Variants in AKAP9 observed in about 807,000 individuals in gnomAD.
AKAP9 encodes A-kinase anchor protein 9.
AKAP9 carries 311 observed loss-of-function variants against 488.5 expected under a neutral mutation model. That is an observed-to-expected ratio of 0.64 (90% CI 0.58 to 0.70). The LOEUF (loss-of-function observed/expected upper bound fraction) is 0.70, where lower values mean the gene tolerates loss of function less well. AKAP9 is among the 30% of genes least tolerant of loss of function. AKAP9 has a pLI of 0.00. For missense variants in AKAP9, 4,215 were observed against 4,374.5 expected (o/e 0.96, Z 1.03); for synonymous variants, 1,462 against 1,483.5 (o/e 0.99, Z 0.33).
intron 19 of AKAP9, 82 bp from the exon 20 acceptor site, chr7:92,042,586 T>G: frequency 1.0e-6 from 1 of 962,340 alleles, no homozygotes; most frequent in Non-Finnish European, 1.7e-6. Context: ...CTCATACCAA[T>G]ATAGAAGAAT....
At chr7:92,039,238 G>C (rs1321501655) in intron 17 of AKAP9, among the ~76,000 whole-genome samples, 1 of 152,096 alleles carries the variant, frequency 6.6e-6, no homozygotes, top group African/African-American at 2.4e-5. Flanking sequence ...TTAATTGTAA[G>C]ATATATGGAT....
At chr7:92,044,808 AAAAC>A (rs1395669682) in intron 20 of AKAP9, among the ~76,000 whole-genome samples, 196 bp from the exon 21 acceptor site, 1 of 152,214 alleles carries the variant, frequency 6.6e-6, no homozygotes, top group South Asian at 2.1e-4. Flanking sequence ...TTTTCAGACA[AAAAC>A]AAATCATTTT....
chr7:91,975,249 C>T (rs1324968333), intron 2 of AKAP9, among the ~76,000 whole-genome samples: 1 of 152,096 alleles, frequency 6.6e-6, no homozygotes, highest in African/African-American at 2.4e-5. Context: ...AGTGATCCTC[C>T]CGCTCTGGCT....
At chr7:91,973,112 C>T (rs763589126) in intron 1 of AKAP9, among the ~76,000 whole-genome samples, 10 of 152,160 alleles carry the variant, frequency 6.6e-5, no homozygotes, top group African/African-American at 1.9e-4. Context: ...CACTGGCTCA[C>T]GTCTGTAATC....
rs576655579 is a variant in AKAP9 at position 91,943,449 on chromosome 7, G to A, written c.48+2302G>A. On this transcript the variant is annotated intron_variant, in intron 1 of 49. Coordinates refer to ENST00000356239, the MANE Select transcript of AKAP9 (RefSeq NM_005751.5). ...TGGATTATAATTTTATTCAGCAAACGTATATTGAATCCCTATTTTATACCT... is the reference window on the plus strand; with the variant it reads ...TGGATTATAATTTTATTCAGCAAACATATATTGAATCCCTATTTTATACCT... 1.6e-4 allele frequency among the ~76,000 whole-genome samples: 25 copies of A among 152,242 alleles called. No individual in the cohort carries two copies. In the South Asian group the frequency reaches 2.7e-3, roughly 16 times the overall value.
Position 92,079,580 on chromosome 7 carries a change from T to C in AKAP9, c.7447T>C (p.Phe2483Leu). 1 of 1,613,798 alleles carries C rather than the reference T, an allele frequency of 6.2e-7. No individual in the cohort carries two copies. Among genetic ancestry groups the C allele is most frequent in the Non-Finnish European group, 8.5e-7 (1 of 1,180,000 alleles). ...ALKSLENQTY[F>L]KSFEENGKGS... Reference sequence around the variant, plus strand: ...TAAATCCCTAGAAAATCAGACATACTTCAAATCTTTTGAAGAAAATGGCAA... The same window carrying C: ...TAAATCCCTAGAAAATCAGACATACCTCAAATCTTTTGAAGAAAATGGCAA... The change falls in exon 31 of 50, where the codon TTC (phenylalanine) becomes CTC (leucine). Residue 2483 changes from phenylalanine (F) to leucine (L), a missense_variant. Coordinates refer to ENST00000356239, the MANE Select transcript of AKAP9 (RefSeq NM_005751.5).
At chr7:91,972,780 A>G (rs1795250020) in intron 1 of AKAP9, among the ~76,000 whole-genome samples, 1 of 152,196 alleles carries the variant, frequency 6.6e-6, no homozygotes, top group Non-Finnish European at 1.5e-5. Context: ...AGAAAACTAC[A>G]TTGGTTAAAA....
Position 92,002,507 on chromosome 7 carries a change from T to A in AKAP9, c.2590T>A (p.Leu864Ile). 6.2e-7 allele frequency: 1 copy of A among 1,611,058 alleles called. No individual in the cohort carries two copies. The highest frequency in any genetic ancestry group is 8.5e-7 in the Non-Finnish European group (1 of 1,178,866). Residue 864 changes from leucine to isoleucine, a missense_variant, in exon 8 of 50, where the codon TTA becomes ATA. This residue lies in a region of AKAP9 where 2,361 missense variants were observed against 2,430.0 expected (regional missense o/e 0.97). Transcript: ENST00000356239. Reference sequence around the variant, plus strand: ...AAACTTTGAAGTTAACTATCAAGAGTTACAAGAGGAGTATGCTTGCCTTCT... The same window carrying A: ...AAACTTTGAAGTTAACTATCAAGAGATACAAGAGGAGTATGCTTGCCTTCT... ...EKNFEVNYQE[L>I]QEEYACLLKV... is the part of the protein sequence containing the mutation.
chr7:92,106,785 A>C (rs1207224170), intron 47 of AKAP9, among the ~76,000 whole-genome samples: 1 of 152,192 alleles, frequency 6.6e-6, no homozygotes, highest in African/African-American at 2.4e-5. Context: ...AGCATCCTAC[A>C]GAGGGGAAAT....
At chr7:92,102,163 TA>T (rs71933089) in intron 45 of AKAP9, among the ~76,000 whole-genome samples, 5 of 107,478 alleles carry the variant, frequency 4.7e-5, no homozygotes, top group South Asian at 6.1e-4. Context: ...CTCATAAATT[TA>T]AAAAAAAAAT....
chr7:92,035,888 A>C (rs1296722611), intron 16 of AKAP9, among the ~76,000 whole-genome samples: 1 of 152,180 alleles, frequency 6.6e-6, no homozygotes, highest in Non-Finnish European at 1.5e-5. Context: ...TTATTGCCTT[A>C]TAGCATCAGT....
intron 1 of AKAP9, among the ~76,000 whole-genome samples, chr7:91,961,422 C>T (rs779089089): frequency 5.3e-5 from 8 of 151,760 alleles, no homozygotes. Flanking sequence ...AGGGGATCCA[C>T]CCGCCTCAGC....
intron 39 of AKAP9, 79 bp from the exon 40 acceptor site, chr7:92,094,944 G>A (rs1816305090): frequency 7.6e-7 from 1 of 1,322,558 alleles, no homozygotes; most frequent in Non-Finnish European, 1.1e-6. Context: ...CAACTTATCA[G>A]TAGAAGCTGT....
chr7:92,007,759 A>G lies in AKAP9; in HGVS notation c.3318+4524A>G, dbSNP rs1584079343. ...GAAATGCACAAGAAGAGTCAATAATATTTTTGAAAAACGCAGAATAGTAAT... is the reference window on the plus strand; with the variant it reads ...GAAATGCACAAGAAGAGTCAATAATGTTTTTGAAAAACGCAGAATAGTAAT... On this transcript the variant is annotated intron_variant, in intron 8 of 49. Coordinates refer to ENST00000356239, the MANE Select transcript of AKAP9 (RefSeq NM_005751.5). 3.3e-5 allele frequency among the ~76,000 whole-genome samples: 5 copies of G among 152,230 alleles called. No individual in the cohort carries two copies. The South Asian group carries it at 1.0e-3, about 31-fold the overall frequency.
In AKAP9 at chr7:92,001,165, T is replaced by C. The variant is rs1215630593; in HGVS notation, c.1248T>C (p.Thr416=). 1.2e-6 allele frequency: 2 copies of C among 1,613,932 alleles called. No individual in the cohort carries two copies. Among genetic ancestry groups the C allele is most frequent in the Admixed American group, 1.7e-5 (1 of 60,004 alleles). ...ATCATAAAGACAGCCAGTTCGAAAC[T>C]GATATAGTACAACGAATGGAACAAG... ...KRNHKDSQFE[T]DIVQRMEQET... The change falls in exon 8 of 50, where the codon ACT becomes ACC. Residue 416 remains threonine, a synonymous_variant. Coordinates refer to ENST00000356239, the MANE Select transcript of AKAP9 (RefSeq NM_005751.5).
intron 1 of AKAP9, among the ~76,000 whole-genome samples, chr7:91,941,663 T>G (rs996170055): frequency 6.6e-6 from 1 of 152,188 alleles, no homozygotes; most frequent in Non-Finnish European, 1.5e-5. Flanking sequence ...GTGCCACAAG[T>G]GCCAGCTGTG....
At chr7:92,099,641 A>G in intron 43 of AKAP9, 46 bp from the exon 44 acceptor site, 1 of 1,579,094 alleles carries the variant, frequency 6.3e-7, no homozygotes, top group Non-Finnish European at 8.7e-7. Context: ...TGCATTATTC[A>G]CATCCATTTG....
At chr7:92,066,608 C>G in intron 26 of AKAP9, 62 bp downstream of exon 26, 1 of 1,584,740 alleles carries the variant, frequency 6.3e-7, no homozygotes, top group Non-Finnish European at 8.7e-7. Context: ...AAATAAGATG[C>G]ATATCATTAA....
At position 92,020,394 on chromosome 7, in the gene AKAP9, G is replaced by A. The variant is rs560796973; in HGVS notation, c.3838-1844G>A. On this transcript the variant is annotated intron_variant, in intron 12 of 49. Transcript: ENST00000356239. Reference sequence around the variant, plus strand: ...CCTGCTTGTTCCAGTTGGTTCAAATGTTTACTCCCTCTGTGTCATCTTCTT... The same window carrying A: ...CCTGCTTGTTCCAGTTGGTTCAAATATTTACTCCCTCTGTGTCATCTTCTT... 1.5e-3 allele frequency among the ~76,000 whole-genome samples: 224 copies of A among 152,184 alleles called. 1 individual carries two copies. Among genetic ancestry groups the A allele is most frequent in the African/African-American group, 5.2e-3 (215 of 41,510 alleles).
Sources: gnomAD v4.1 joint callset for allele counts (sites outside exome capture counted in the v4.1 genomes callset) on GRCh38, gnomAD v4.1.1 for gene constraint, gnomAD v4.1.1 regional missense constraint, MANE v1.5 for transcripts, NCBI Gene and HGNC (gene_info 2026-07-23, HGNC 2026-07-21) for gene names.